Variants in LRP1B observed in about 807,000 individuals in gnomAD.
LRP1B encodes LDL receptor related protein 1B.
A neutral mutation model predicts 556.6 loss-of-function variants in LRP1B; 217 were observed. The observed-to-expected ratio is 0.39, with a 90% CI of 0.35 to 0.44. The LOEUF (loss-of-function observed/expected upper bound fraction) is 0.44, where lower values mean the gene tolerates loss of function less well. Ranked by LOEUF, LRP1B falls within the 20% of genes least tolerant of loss-of-function variation. The pLI, the probability that LRP1B is intolerant of heterozygous loss-of-function variation, is 1.00. For synonymous variants in LRP1B, 2,047 were observed against 1,865.8 expected (o/e 1.10, Z -2.50); for missense variants, 5,053 against 5,620.8 (o/e 0.90, Z 3.23).
chr2:140,854,089 G>A (rs1692542182), intron 27 of LRP1B, among the ~76,000 whole-genome samples: 1 of 148,668 alleles, frequency 6.7e-6, no homozygotes, highest in Admixed American at 6.7e-5. Flanking sequence ...AGAAAATGAA[G>A]GAGAAAAGAA....
At chr2:141,838,471 C>T (rs952031066) in intron 1 of LRP1B, among the ~76,000 whole-genome samples, 9 of 152,108 alleles carry the variant, frequency 5.9e-5, no homozygotes, top group African/African-American at 1.9e-4. Context: ...ACTATGATAA[C>T]TAGGATTTCT....
Position 140,351,007 on chromosome 2 carries a change from A to G in LRP1B, c.11682T>C (p.Asn3894=). 1.9e-6 allele frequency: 3 copies of G among 1,598,654 alleles called. No homozygotes were observed. The highest frequency in any genetic ancestry group is 2.6e-6 in the Non-Finnish European group (3 of 1,167,876). Residue 3894 remains asparagine (N), a synonymous_variant, in exon 77 of 91, where the codon AAT becomes AAC. Transcript: ENST00000389484. The stretch of plus-strand genomic sequence containing the variant: ...ATATAAAACCCAGGATATCAGTGTC[A>G]TTAGCAATGTAGAGAACTTGATCTT... The part of the protein sequence containing the change: ...GSEDQVLYIA[N]DTDILGFIYP...
intron 41 of LRP1B, among the ~76,000 whole-genome samples, chr2:140,609,718 C>T (rs925093207): frequency 2.0e-5 from 3 of 152,098 alleles, no homozygotes; most frequent in East Asian, 1.9e-4. Flanking sequence ...ATGCCAAAAA[C>T]GTATGTTGAG....
chr2:140,328,795 CAA>C (rs1680635277), intron 79 of LRP1B, among the ~76,000 whole-genome samples: 1 of 151,706 alleles, frequency 6.6e-6, no homozygotes, highest in African/African-American at 2.4e-5. Flanking sequence ...TACACACACA[CAA>C]ACACACTTAT....
At chr2:141,923,437 T>TAC (rs1700246066) in intron 1 of LRP1B, among the ~76,000 whole-genome samples, 1 of 27,134 alleles carries the variant, frequency 3.7e-5, no homozygotes. Flanking sequence ...ACAAAGAGAT[T>TAC]ATATATATAT....
chr2:141,018,003 A>C (rs2105393553), intron 12 of LRP1B, among the ~76,000 whole-genome samples: 1 of 151,738 alleles, frequency 6.6e-6, no homozygotes, highest in Non-Finnish European at 1.5e-5. Flanking sequence ...CCTGTCTAAA[A>C]AAAAAAAAAA....
chr2:140,469,263 T>A (rs962748978), intron 60 of LRP1B, among the ~76,000 whole-genome samples: 39 of 152,130 alleles, frequency 2.6e-4, no homozygotes, highest in African/African-American at 9.4e-4. Context: ...AATGGTGCCC[T>A]TATAAAAGAA....
chr2:140,385,824 T>G, intron 67 of LRP1B, 69 bp downstream of exon 67: 1 of 1,034,096 alleles, frequency 9.7e-7, no homozygotes, highest in South Asian at 1.3e-5. Flanking sequence ...TTAACAGAAC[T>G]AAAAATTGCC....
chr2:142,072,735 G>T (rs935565589), intron 1 of LRP1B, among the ~76,000 whole-genome samples: 1 of 151,908 alleles, frequency 6.6e-6, no homozygotes, highest in Non-Finnish European at 1.5e-5. Context: ...CGCTCCAAGT[G>T]TTTATTATTC....
intron 7 of LRP1B, among the ~76,000 whole-genome samples, chr2:141,177,441 G>A (rs1242908277): frequency 6.6e-6 from 1 of 151,850 alleles, no homozygotes; most frequent in Non-Finnish European, 1.5e-5. Context: ...AACTATAAAT[G>A]GAAAATGGAA....
intron 16 of LRP1B, among the ~76,000 whole-genome samples, chr2:140,993,700 C>T (rs1447638867): frequency 6.6e-6 from 1 of 151,966 alleles, no homozygotes; most frequent in African/African-American, 2.4e-5. Context: ...AATTTCCCTA[C>T]AGCAACCTCT....
At chr2:140,324,174 A>G in intron 80 of LRP1B, 108 bp from the exon 81 acceptor site, 1 of 600,586 alleles carries the variant, frequency 1.7e-6, no homozygotes, top group Non-Finnish European at 2.9e-6. Context: ...TTTAAAAATA[A>G]ACTTTCAGAA....
At chr2:142,076,089 C>T (rs1484368905) in intron 1 of LRP1B, among the ~76,000 whole-genome samples, 1 of 152,068 alleles carries the variant, frequency 6.6e-6, no homozygotes, top group Non-Finnish European at 1.5e-5. Flanking sequence ...AAAGCACTGA[C>T]AGGTTTTTGC....
chr2:141,344,017 T>G (rs1003712704), intron 3 of LRP1B, among the ~76,000 whole-genome samples: 1 of 152,106 alleles, frequency 6.6e-6, no homozygotes, highest in Non-Finnish European at 1.5e-5. Context: ...AGACAATATC[T>G]GAGGCGATCA....
At chr2:141,068,299 GGA>G (rs1173098784) in intron 7 of LRP1B, among the ~76,000 whole-genome samples, 1 of 151,874 alleles carries the variant, frequency 6.6e-6, no homozygotes, top group African/African-American at 2.4e-5. Flanking sequence ...GAAAGAGAAA[GGA>G]AAATAGTTCT....
In LRP1B at chr2:141,288,238, C is replaced by CAA. The variant is rs11302978; in HGVS notation, c.344-33599_344-33598dup. On this transcript the variant is annotated intron_variant, in intron 3 of 90. Transcript: ENST00000389484. ...ACATCTCATATAAATGGAATAATAA[C>CAA]AAAAAAAAAAATTTGTTTTCAACTG... 2.1e-3 allele frequency among the ~76,000 whole-genome samples: 301 copies of CAA among 145,720 alleles called. 3 individuals are homozygous for CAA. Among genetic ancestry groups the CAA allele is most frequent in the Non-Finnish European group, 3.1e-3 (202 of 66,150 alleles).
intron 2 of LRP1B, among the ~76,000 whole-genome samples, chr2:141,743,222 A>G (rs1693777830): frequency 6.6e-6 from 1 of 152,146 alleles, no homozygotes; most frequent in Non-Finnish European, 1.5e-5. Flanking sequence ...TTCTGTTGAC[A>G]TGATTATCAC....
intron 27 of LRP1B, among the ~76,000 whole-genome samples, chr2:140,858,633 T>C (rs537558913): frequency 5.9e-5 from 9 of 152,018 alleles, no homozygotes; most frequent in Admixed American, 3.9e-4. Context: ...GTTTGTTACA[T>C]AGGTAAACAT....
intron 2 of LRP1B, among the ~76,000 whole-genome samples, chr2:141,537,107 T>C (rs1367655992): frequency 6.6e-6 from 1 of 152,202 alleles, no homozygotes; most frequent in East Asian, 1.9e-4. Flanking sequence ...AGCACATGCC[T>C]CTTTGTTTAA....
Sources: gnomAD v4.1 joint callset for allele counts (sites outside exome capture counted in the v4.1 genomes callset) on GRCh38, gnomAD v4.1.1 for gene constraint, MANE v1.5 for transcripts, NCBI Gene and HGNC (gene_info 2026-07-23, HGNC 2026-07-21) for gene names.